Variants in RSPH14 observed in about 807,000 individuals in gnomAD.
RSPH14 encodes rhabdoid tumor deletion region gene 1.
Under a neutral mutation model 26.7 loss-of-function variants are expected in RSPH14, and 20 were observed. The ratio of observed to expected loss-of-function variants is 0.75; its 90% CI spans 0.53 to 1.09. The LOEUF is 1.09. Among genes scored for constraint, RSPH14 ranks in the 50% least tolerant of loss-of-function variants. RSPH14 has a pLI of 0.00. For synonymous variants in RSPH14, 177 were observed against 189.3 expected, an observed-to-expected ratio of 0.93 and a Z score of 0.53; for missense variants, 449 against 457.2, an observed-to-expected ratio of 0.98 and a Z score of 0.16.
At chr22:23,154,180 C>T in the RSPH14 span, among the ~76,000 whole-genome samples, 13 of 152,198 alleles carry the variant, frequency 8.5e-5, no homozygotes, top group East Asian at 9.7e-4. Flanking sequence ...TGCCTGGGCT[C>T]GGGCCCTCAC....
the RSPH14 span, chr22:23,153,195 T>C: frequency 7.1e-6 from 9 of 1,265,566 alleles, no homozygotes; most frequent in African/African-American, 5.9e-5. Flanking sequence ...GAGAAAGGAT[T>C]TGGGGAGCTC....
chr22:23,062,558 C>T (rs2068118537), intron 5 of RSPH14, among the ~76,000 whole-genome samples: 1 of 152,224 alleles, frequency 6.6e-6, no homozygotes, highest in African/African-American at 2.4e-5. Context: ...ACCCCTGTGT[C>T]ACTTAGTTTA....
chr22:23,153,464 C>T, the RSPH14 span: 2 of 616,844 alleles, frequency 3.2e-6, no homozygotes, highest in Non-Finnish European at 4.1e-6. Flanking sequence ...TGATCCCACT[C>T]ACCAGGCCAG....
rs565265561 is a variant in RSPH14, at chr22:23,075,298, A to G, written c.422-11165T>C. Among the ~76,000 whole-genome samples, 12 of 152,276 alleles carry G rather than the reference A, an allele frequency of 7.9e-5. No homozygotes were observed. The South Asian group carries it at 2.1e-3, about 26-fold the overall frequency. ...AGCCTGTGAGCTTCACCTTGGCACC[A>G]TGGCCCAGGGAACCCAAAGTGAAAA... On this transcript the variant is annotated intron_variant, in intron 4 of 6. Transcript: ENST00000216036.
intron 4 of RSPH14, among the ~76,000 whole-genome samples, chr22:23,067,248 C>A (rs1299157756): frequency 1.3e-5 from 2 of 152,078 alleles, no homozygotes; most frequent in East Asian, 3.9e-4. Context: ...GGTGCTGACA[C>A]CATGTTGAGG....
At chr22:23,101,233 C>T (rs1178929369) in intron 4 of RSPH14, among the ~76,000 whole-genome samples, 1 of 151,550 alleles carries the variant, frequency 6.6e-6, no homozygotes, top group Non-Finnish European at 1.5e-5. Context: ...AGAGAGGTTC[C>T]TTCACATACC....
rs959329669 is a variant in RSPH14 at position 23,112,825 on chromosome 22, G to A, written c.421+21201C>T. Among the ~76,000 whole-genome samples, 7 of 152,150 alleles carry A rather than the reference G, an allele frequency of 4.6e-5. No individual in the cohort carries two copies. In the South Asian group the frequency reaches 1.4e-3, roughly 32 times the overall value. Reference sequence around the variant, plus strand: ...GTGGGGATAGGGACCTGGCTGCAGGGAGCAAGGTGGCCAGTGTGGACCCAT... The same window carrying A: ...GTGGGGATAGGGACCTGGCTGCAGGAAGCAAGGTGGCCAGTGTGGACCCAT... On this transcript the variant is annotated intron_variant, in intron 4 of 6. Coordinates refer to ENST00000216036, the MANE Select transcript of RSPH14 (RefSeq NM_014433.3).
At chr22:23,139,485 AT>A (rs1471067876) in intron 2 of RSPH14, among the ~76,000 whole-genome samples, 1 of 152,198 alleles carries the variant, frequency 6.6e-6, no homozygotes, top group African/African-American at 2.4e-5. Context: ...GCCAGGCATG[AT>A]GGCAGGTGCC....
At chr22:23,068,226 C>T (rs911973929) in intron 4 of RSPH14, among the ~76,000 whole-genome samples, 9 of 152,218 alleles carry the variant, frequency 5.9e-5, no homozygotes, top group Non-Finnish European at 1.0e-4. Flanking sequence ...ATGTCACTGG[C>T]CACCTCCACG....
the RSPH14 span, among the ~76,000 whole-genome samples, chr22:23,150,325 A>G: frequency 1.4e-5 from 2 of 143,550 alleles, no homozygotes; most frequent in Admixed American, 1.4e-4. Context: ...TTTTTGAGAC[A>G]GAGTCTCGCT....
intron 4 of RSPH14, among the ~76,000 whole-genome samples, chr22:23,068,716 C>T (rs1002315477): frequency 1.3e-5 from 2 of 152,254 alleles, no homozygotes; most frequent in South Asian, 2.1e-4. Flanking sequence ...TATCCCAAGA[C>T]ATGCTAATAT....
At chr22:23,146,382 GT>G (rs900607989), upstream of RSPH14, among the ~76,000 whole-genome samples, 1 of 151,178 alleles carries the variant, frequency 6.6e-6, no homozygotes, top group African/African-American at 2.4e-5. Flanking sequence ...AATTTTTTTG[GT>G]TTTTTTTTGT....
rs181919638 is a variant in RSPH14, at chr22:23,126,878, C to T, written c.421+7148G>A. On this transcript the variant is annotated intron_variant, in intron 4 of 6. Transcript: ENST00000216036. ...TATTGCCATCCTCACCTATAGCCCA[C>T]GTGGTCACCCTGGTGGTGCAATGGG... Among the ~76,000 whole-genome samples, 11 of 152,360 alleles carry T rather than the reference C, an allele frequency of 7.2e-5. No homozygotes were observed. The East Asian group carries it at 1.4e-3, about 19-fold the overall frequency.
rs555313798 is a variant in RSPH14 at position 23,135,361 on chromosome 22, G to A, written c.303-1217C>T. 1.9e-3 allele frequency among the ~76,000 whole-genome samples: 280 copies of A among 150,464 alleles called. 1 individual carries two copies. The highest frequency in any genetic ancestry group is 4.4e-3 in the African/African-American group (181 of 41,186). On this transcript the variant is annotated intron_variant, in intron 3 of 6. Coordinates refer to ENST00000216036, the MANE Select transcript of RSPH14 (RefSeq NM_014433.3). ...AAAAAAATTAGCTGGGTGTGGTGGC[G>A]GGCGCCTGTAGTCCCAGCTACTTTG...
intron 4 of RSPH14, among the ~76,000 whole-genome samples, chr22:23,089,326 G>C (rs1008570950): frequency 3.3e-5 from 5 of 152,184 alleles, no homozygotes; most frequent in Non-Finnish European, 7.4e-5. Flanking sequence ...AGGAGGCCTT[G>C]AGCAAAGCTT....
chr22:23,075,250 G>A (rs2068480435), intron 4 of RSPH14, among the ~76,000 whole-genome samples: 1 of 152,168 alleles, frequency 6.6e-6, no homozygotes, highest in Non-Finnish European at 1.5e-5. Flanking sequence ...GGACTTTCAG[G>A]GCCGCTGGAG....
chr22:23,120,299 G>A (rs575585421), intron 4 of RSPH14, among the ~76,000 whole-genome samples: 4 of 152,054 alleles, frequency 2.6e-5, no homozygotes, highest in African/African-American at 9.6e-5. Flanking sequence ...GGACTCACGG[G>A]GGCCACAGTC....
intron 4 of RSPH14, among the ~76,000 whole-genome samples, chr22:23,102,095 C>T (rs574531197): frequency 1.2e-4 from 18 of 152,250 alleles, no homozygotes; most frequent in Non-Finnish European, 2.4e-4. Context: ...ACAGCCCCTG[C>T]CATCCCTTCA....
chr22:23,081,999 C>G (rs1341544243), intron 4 of RSPH14, among the ~76,000 whole-genome samples: 1 of 150,768 alleles, frequency 6.6e-6, no homozygotes, highest in East Asian at 2.0e-4. Flanking sequence ...GTGGCGGGCA[C>G]CTGTAGTCCT....
Sources: allele counts gnomAD v4.1 joint callset (sites outside exome capture counted in the v4.1 genomes callset), GRCh38; gene constraint gnomAD v4.1.1; transcripts MANE v1.5; gene names NCBI Gene and HGNC (gene_info 2026-07-23, HGNC 2026-07-21).